Variants in CATSPERB observed in about 807,000 individuals in gnomAD.
CATSPERB encodes catsper channel auxiliary subunit beta.
Under a neutral mutation model 128.3 loss-of-function variants are expected in CATSPERB, and 93 were observed. The ratio of observed to expected loss-of-function variants is 0.72; its 90% CI spans 0.61 to 0.86. The LOEUF is 0.86. Among genes scored for constraint, CATSPERB ranks in the 40% least tolerant of loss-of-function variants. The probability of loss-of-function intolerance (pLI) is 0.00; values close to 1 mark genes in which losing one functional copy is unlikely to be tolerated. For missense variants in CATSPERB, 1,153 were observed against 1,329.5 expected, an observed-to-expected ratio of 0.87 and a Z score of 2.06; for synonymous variants, 381 against 448.8, an observed-to-expected ratio of 0.85 and a Z score of 1.91.
At position 91,622,893 on chromosome 14, in the gene CATSPERB, C is replaced by CTTTT. The variant is rs11432858; in HGVS notation, c.1931-960_1931-957dup. ...AGCTTTTTGTCAAAGTTCTCAATGA[C>CTTTT]TTTTTTTTTTTTTTTTTTGATATGG... On this transcript the variant is annotated intron_variant, in intron 18 of 26. Transcript: ENST00000256343. Among the ~76,000 whole-genome samples the CTTTT allele has an allele frequency of 6.3e-5, 8 of 127,822 alleles. 1 individual carries two copies. Among genetic ancestry groups the CTTTT allele is most frequent in the East Asian group, 2.2e-4 (1 of 4,522 alleles). The allele number at this position is 127,822 out of a possible 152,430, so 83.9% of individuals were successfully genotyped here.
chr14:91,673,132 A>G (rs1895128235), intron 12 of CATSPERB, 116 bp from the exon 13 acceptor site: 2 of 949,156 alleles, frequency 2.1e-6, no homozygotes, highest in Non-Finnish European at 3.0e-6. Context: ...TTGAACAAAC[A>G]TAGAAATTAA....
At chr14:91,672,650 T>G (rs117509494) in intron 13 of CATSPERB, among the ~76,000 whole-genome samples, 33 of 152,330 alleles carry the variant, frequency 2.2e-4, no homozygotes, top group Admixed American at 4.6e-4. Flanking sequence ...TCACTATGCA[T>G]ACAGCATCAC....
At chr14:91,661,544 T>TATAC (rs991474571) in intron 14 of CATSPERB, among the ~76,000 whole-genome samples, 4 of 147,516 alleles carry the variant, frequency 2.7e-5, no homozygotes, top group Non-Finnish European at 4.5e-5. Context: ...TATATATATA[T>TATAC]ATATTTAAGA....
intron 15 of CATSPERB, among the ~76,000 whole-genome samples, chr14:91,656,747 AT>A (rs1324899044): frequency 6.6e-6 from 1 of 152,116 alleles, no homozygotes; most frequent in Non-Finnish European, 1.5e-5. Context: ...AGTCCCAGTG[AT>A]CTGTTGCCTG....
chr14:91,619,195 T>C (rs924175299), intron 19 of CATSPERB, among the ~76,000 whole-genome samples: 1 of 152,166 alleles, frequency 6.6e-6, no homozygotes, highest in Non-Finnish European at 1.5e-5. Flanking sequence ...GTAAATTGTA[T>C]ACTAAGATAA....
chr14:91,589,452 G>T, intron 24 of CATSPERB, 82 bp downstream of exon 24: 1 of 1,373,666 alleles, frequency 7.3e-7, no homozygotes, highest in Non-Finnish European at 9.9e-7. Flanking sequence ...GTGTGAACAG[G>T]CTTTGAAAAC....
intron 11 of CATSPERB, 60 bp downstream of exon 11, chr14:91,683,817 A>G: frequency 9.7e-7 from 1 of 1,029,462 alleles, no homozygotes. Flanking sequence ...CTGAGCTTGC[A>G]TTCAGTTACA....
chr14:91,709,533 A>AAAG (rs1895797321), intron 5 of CATSPERB: 1 of 144,620 alleles, frequency 6.9e-6, no homozygotes, highest in South Asian at 2.3e-4. Context: ...ACAAAAAAAA[A>AAAG]AAAAAAAAAT....
intron 22 of CATSPERB, among the ~76,000 whole-genome samples, chr14:91,599,754 C>G (rs886886398): frequency 6.6e-6 from 1 of 151,988 alleles, no homozygotes; most frequent in Non-Finnish European, 1.5e-5. Flanking sequence ...GAAGCAAAGG[C>G]ACCAAGACTC....
chr14:91,616,035 A>T (rs1893930235), intron 20 of CATSPERB, among the ~76,000 whole-genome samples: 1 of 152,048 alleles, frequency 6.6e-6, no homozygotes, highest in Admixed American at 6.6e-5. Flanking sequence ...GCATGCCACC[A>T]TGCCTGGCTA....
chr14:91,594,462 A>G (rs769295417), intron 22 of CATSPERB, among the ~76,000 whole-genome samples: 9 of 149,876 alleles, frequency 6.0e-5, no homozygotes, highest in East Asian at 2.0e-4. Context: ...ATGTACCCTA[A>G]AACTTAAAGT....
At chr14:91,671,034 T>C (rs564071767) in intron 13 of CATSPERB, among the ~76,000 whole-genome samples, 2 of 152,188 alleles carry the variant, frequency 1.3e-5, no homozygotes, top group East Asian at 3.9e-4. Context: ...TAAGGATAAT[T>C]TTAAGCTGAA....
chr14:91,599,975 T>C (rs1398568095), intron 22 of CATSPERB, among the ~76,000 whole-genome samples: 6 of 152,196 alleles, frequency 3.9e-5, no homozygotes, highest in African/African-American at 1.4e-4. Flanking sequence ...CCCAAGATAT[T>C]TTCCTTTGAC....
At chr14:91,710,471 T>C (rs901029137) in intron 5 of CATSPERB, 1 of 152,206 alleles carries the variant, frequency 6.6e-6, no homozygotes, top group African/African-American at 2.4e-5. Context: ...TGGTGCTGTC[T>C]CTTATTTAAA....
chr14:91,588,164 A>G (rs934314356), intron 24 of CATSPERB, 86 bp from the exon 25 acceptor site: 2 of 760,790 alleles, frequency 2.6e-6, no homozygotes. Flanking sequence ...TGTTTTTGCC[A>G]TTACTTTTAA....
chr14:91,679,461 G>A (rs970391959), intron 11 of CATSPERB, among the ~76,000 whole-genome samples: 1 of 152,114 alleles, frequency 6.6e-6, no homozygotes, highest in African/African-American at 2.4e-5. Flanking sequence ...TATGTCATAT[G>A]CCATATCCAT....
In CATSPERB at chr14:91,617,626, T is replaced by C. The variant is rs552384976; in HGVS notation, c.2371A>G (p.Ile791Val). 2.3e-5 allele frequency: 36 copies of C among 1,586,066 alleles called. No individual in the cohort carries two copies. In the South Asian group the frequency reaches 4.3e-4, roughly 19 times the overall value. ...FDDTDSYVIT[I>V]SAASKVLHQG... The stretch of plus-strand genomic sequence containing the variant: ...TGTAAAACTTTGCTAGCTGCAGAAA[T>C]TGTTATTACATAACTGTCAGTATCA... Residue 791 changes from isoleucine to valine, a missense_variant, in exon 20 of 27, where the codon ATT becomes GTT. Coordinates refer to ENST00000256343, the MANE Select transcript of CATSPERB (RefSeq NM_024764.4).
intron 26 of CATSPERB, among the ~76,000 whole-genome samples, chr14:91,586,589 G>GAGAGAGAC (rs1221185362): frequency 5.3e-5 from 8 of 151,868 alleles, no homozygotes; most frequent in Admixed American, 5.3e-4. Context: ...GAGAGAGAGA[G>GAGAGAGAC]AGAGACAGAA....
chr14:91,689,671 CCTTT>C (rs1432403722), intron 10 of CATSPERB, among the ~76,000 whole-genome samples: 2 of 152,076 alleles, frequency 1.3e-5, no homozygotes, highest in African/African-American at 4.8e-5. Context: ...TCTCTCCTCT[CCTTT>C]CTTCCTTTTT....
Sources: allele counts gnomAD v4.1 joint callset (sites outside exome capture counted in the v4.1 genomes callset), GRCh38; gene constraint gnomAD v4.1.1; transcripts MANE v1.5; gene names NCBI Gene and HGNC (gene_info 2026-07-23, HGNC 2026-07-21).